Variants in WWOX observed in about 807,000 individuals in gnomAD.
WWOX encodes WW domain-containing oxidoreductase.
A neutral mutation model predicts 46.2 loss-of-function variants in WWOX; 69 were observed. The ratio of observed to expected loss-of-function variants is 1.49; its 90% CI spans 1.23 to 1.82. The LOEUF (loss-of-function observed/expected upper bound fraction) is 1.82, where lower values mean the gene tolerates loss of function less well. Ranked by LOEUF, WWOX falls within the 40% of genes most tolerant of loss-of-function variation. The pLI is 0.00. For synonymous variants in WWOX, 359 were observed against 202.6 expected, an observed-to-expected ratio of 1.77 and a Z score of -6.56; for missense variants, 919 against 542.6, an observed-to-expected ratio of 1.69 and a Z score of -6.89.
intron 8 of WWOX, among the ~76,000 whole-genome samples, chr16:78,563,324 C>A (rs1046613146): frequency 4.6e-5 from 7 of 151,898 alleles, no homozygotes; most frequent in East Asian, 1.9e-4. Context: ...TTATTTATTT[C>A]TTTTCAATAC....
At chr16:78,844,133 C>G (rs1385764373) in intron 8 of WWOX, among the ~76,000 whole-genome samples, 2 of 152,114 alleles carry the variant, frequency 1.3e-5, no homozygotes, top group African/African-American at 2.4e-5. Context: ...TGGTTGAAAT[C>G]TATCGTATTT....
At chr16:79,014,720 G>C (rs955885315) in intron 8 of WWOX, among the ~76,000 whole-genome samples, 13 of 152,194 alleles carry the variant, frequency 8.5e-5, no homozygotes, top group African/African-American at 3.1e-4. Flanking sequence ...CATAGAAATT[G>C]AGTCACTTTC....
chr16:78,545,015 A>G (rs753039531), intron 8 of WWOX, among the ~76,000 whole-genome samples: 4 of 152,038 alleles, frequency 2.6e-5, no homozygotes, highest in Non-Finnish European at 4.4e-5. Context: ...AGCTTTACAA[A>G]AGAGAGAGAG....
At chr16:79,086,684 C>T (rs1414938587) in intron 8 of WWOX, among the ~76,000 whole-genome samples, 1 of 152,088 alleles carries the variant, frequency 6.6e-6, no homozygotes, top group Non-Finnish European at 1.5e-5. Flanking sequence ...AGTTTGAGAC[C>T]TGCTTGGGCA....
At chr16:79,097,807 C>G (rs747635080) in intron 8 of WWOX, among the ~76,000 whole-genome samples, 3 of 152,166 alleles carry the variant, frequency 2.0e-5, no homozygotes, top group African/African-American at 4.8e-5. Flanking sequence ...TGAGGAGATT[C>G]AAGCCTTTTG....
chr16:78,609,270 T>G (rs934871042), intron 8 of WWOX, among the ~76,000 whole-genome samples: 1 of 152,188 alleles, frequency 6.6e-6, no homozygotes, highest in Non-Finnish European at 1.5e-5. Context: ...CCAAGTTATT[T>G]TTTTGTTCTG....
At chr16:78,437,893 C>A (rs139869213) in intron 8 of WWOX, among the ~76,000 whole-genome samples, 3 of 152,134 alleles carry the variant, frequency 2.0e-5, no homozygotes, top group Admixed American at 2.0e-4. Context: ...TGCACCTGCA[C>A]GCATTAATGT....
intron 8 of WWOX, among the ~76,000 whole-genome samples, chr16:78,499,036 C>T (rs1400341301): frequency 6.6e-6 from 1 of 152,170 alleles, no homozygotes; most frequent in Non-Finnish European, 1.5e-5. Context: ...AGTTTGGCCT[C>T]TGGCAAAAAT....
At chr16:79,206,767 G>A (rs1207991599) in intron 8 of WWOX, 3 of 152,172 alleles carry the variant, frequency 2.0e-5, no homozygotes, top group Non-Finnish European at 2.9e-5. Context: ...GAAGTATCAC[G>A]GTGGAAGAAG....
chr16:78,981,518 A>G (rs368354357), intron 8 of WWOX, among the ~76,000 whole-genome samples: 2 of 151,280 alleles, frequency 1.3e-5, no homozygotes, highest in African/African-American at 4.9e-5. Context: ...GCTCACTGCA[A>G]CCTCCACTTT....
chr16:78,892,389 G>A (rs535265961), intron 8 of WWOX: 2 of 152,214 alleles, frequency 1.3e-5, no homozygotes, highest in Non-Finnish European at 2.9e-5. Flanking sequence ...AGATGCCTTC[G>A]AGAAATTAAT....
At chr16:79,095,849 T>A (rs2049056956) in intron 8 of WWOX, among the ~76,000 whole-genome samples, 1 of 142,824 alleles carries the variant, frequency 7.0e-6, no homozygotes, top group South Asian at 2.2e-4. Context: ...ACTGCTCAAT[T>A]CTCTCTCTCT....
intron 8 of WWOX, among the ~76,000 whole-genome samples, chr16:78,880,498 T>C (rs755942863): frequency 4.6e-5 from 7 of 152,194 alleles, no homozygotes; most frequent in Non-Finnish European, 7.3e-5. Context: ...AAGAAATAAT[T>C]AGTCAAGCAC....
intron 8 of WWOX, among the ~76,000 whole-genome samples, chr16:78,940,112 G>C (rs796558435): frequency 6.6e-6 from 1 of 152,098 alleles, no homozygotes; most frequent in South Asian, 2.1e-4. Context: ...TTGGGCCAGG[G>C]TCTTCCGAGA....
intron 8 of WWOX, among the ~76,000 whole-genome samples, chr16:78,628,976 C>T (rs1460993583): frequency 6.6e-6 from 1 of 152,164 alleles, no homozygotes; most frequent in Admixed American, 6.5e-5. Context: ...AATTACTTTC[C>T]ATTCTCAGGT....
intron 8 of WWOX, among the ~76,000 whole-genome samples, chr16:78,486,052 T>G (rs566311451): frequency 1.3e-5 from 2 of 152,212 alleles, no homozygotes; most frequent in Admixed American, 6.5e-5. Context: ...AAACAAAATT[T>G]CCTTGTGAAT....
At chr16:78,310,405 C>G (rs2080217617) in intron 5 of WWOX, among the ~76,000 whole-genome samples, 1 of 152,200 alleles carries the variant, frequency 6.6e-6, no homozygotes, top group Non-Finnish European at 1.5e-5. Context: ...CACAGAATAA[C>G]AAACACATGC....
chr16:78,523,995 A>G (rs905586170), intron 8 of WWOX, among the ~76,000 whole-genome samples: 13 of 152,226 alleles, frequency 8.5e-5, no homozygotes, highest in African/African-American at 2.7e-4. Context: ...CAAATACACA[A>G]TTCACTTAGG....
chr16:78,741,203 A>T (rs1475739388), intron 8 of WWOX, among the ~76,000 whole-genome samples: 1 of 152,350 alleles, frequency 6.6e-6, no homozygotes, highest in East Asian at 1.9e-4. Flanking sequence ...TAGAATCTTT[A>T]TTATAATCCT....
Sources: gnomAD v4.1 joint callset for allele counts (sites outside exome capture counted in the v4.1 genomes callset) on GRCh38, gnomAD v4.1.1 for gene constraint, MANE v1.5 for transcripts, NCBI Gene and HGNC (gene_info 2026-07-23, HGNC 2026-07-21) for gene names.